Variants in NUP210L observed in about 807,000 individuals in gnomAD.
NUP210L encodes nucleoporin 210 like.
Under a neutral mutation model 208.5 loss-of-function variants are expected in NUP210L, and 74 were observed. That is an observed-to-expected ratio of 0.35 (90% CI 0.29 to 0.43). The LOEUF (loss-of-function observed/expected upper bound fraction) is 0.43. Among genes scored for constraint, NUP210L ranks in the 20% least tolerant of loss-of-function variants. NUP210L has a pLI of 1.00. For synonymous variants in NUP210L, 780 were observed against 816.9 expected (o/e 0.95, Z 0.77); for missense variants, 1,843 against 2,289.4 (o/e 0.81, Z 3.98).
intron 3 of NUP210L, among the ~76,000 whole-genome samples, chr1:154,143,008 G>A (rs1658933239): frequency 6.6e-6 from 1 of 151,952 alleles, no homozygotes; most frequent in Non-Finnish European, 1.5e-5. Context: ...GACCAACATG[G>A]TGAAAGCCCA....
At chr1:154,083,084 C>T (rs1655432705) in intron 16 of NUP210L, among the ~76,000 whole-genome samples, 2 of 152,140 alleles carry the variant, frequency 1.3e-5, no homozygotes, top group South Asian at 4.1e-4. Context: ...ACTGTGAAGA[C>T]CAAATGAACA....
chr1:154,111,125 G>A (rs1657022106), intron 12 of NUP210L, among the ~76,000 whole-genome samples: 1 of 151,250 alleles, frequency 6.6e-6, no homozygotes, highest in Non-Finnish European at 1.5e-5. Flanking sequence ...GCTCATGCCT[G>A]TAATCCCACC....
chr1:154,139,683 C>CAA lies in NUP210L; in HGVS notation c.717+117_717+118dup. On this transcript the variant is annotated intron_variant, in intron 5 of 39. Transcript: ENST00000368559. ...GTCTGTCTCTACAAAAACAAACAAACAAACAAAAAAAAAAAAAAAACAGGG... is the reference window on the plus strand; with the variant it reads ...GTCTGTCTCTACAAAAACAAACAAACAAAAACAAAAAAAAAAAAAAAACAGGG... 39 of 761,272 alleles carry CAA rather than the reference C, an allele frequency of 5.1e-5. No individual in the cohort carries two copies. In the East Asian group the frequency reaches 1.0e-3, roughly 20 times the overall value. 47.2% of individuals were successfully genotyped at this position (761,272 alleles called of 1,614,324 possible). A position where few individuals can be genotyped will look rare whatever the true frequency, so the allele number is the denominator to read the frequency against.
intron 27 of NUP210L, among the ~76,000 whole-genome samples, chr1:154,030,313 T>C (rs914988398): frequency 3.9e-5 from 6 of 151,936 alleles, no homozygotes; most frequent in Non-Finnish European, 7.4e-5. Flanking sequence ...CAATAACTTA[T>C]GAAAAAATTA....
At chr1:154,006,946 G>GTGTGTGTATATA (rs767785200) in intron 35 of NUP210L, among the ~76,000 whole-genome samples, 3 of 95,426 alleles carry the variant, frequency 3.1e-5, no homozygotes, top group Non-Finnish European at 6.1e-5. Context: ...GTGTGTGTGT[G>GTGTGTGTATATA]TATATATATA....
chr1:154,021,045 G>A (rs1267833692), intron 32 of NUP210L, among the ~76,000 whole-genome samples: 4 of 150,522 alleles, frequency 2.7e-5, no homozygotes, highest in South Asian at 2.1e-4. Flanking sequence ...AGGTTCAAGC[G>A]ATTCTCCTGC....
chr1:154,002,076 C>T, intron 35 of NUP210L, 91 bp from the exon 36 acceptor site: 1 of 1,284,068 alleles, frequency 7.8e-7, no homozygotes, highest in East Asian at 2.4e-5. Flanking sequence ...TTGTGACATG[C>T]AAATTCAGCA....
exon 37 of NUP210L, chr1:154,000,884 C>T (rs757444945): frequency 6.2e-7 from 1 of 1,614,082 alleles, no homozygotes; most frequent in Non-Finnish European, 8.5e-7. Flanking sequence ...TCATAGCCCT[C>T]ACTACCACTG....
intron 27 of NUP210L, among the ~76,000 whole-genome samples, chr1:154,043,162 G>A (rs944625307): frequency 2.7e-5 from 4 of 149,822 alleles, no homozygotes; most frequent in African/African-American, 9.8e-5. Context: ...TGGGATTACA[G>A]GTGTGCGCCA....
intron 35 of NUP210L, among the ~76,000 whole-genome samples, chr1:154,006,545 G>A (rs907783061): frequency 6.6e-6 from 1 of 151,830 alleles, no homozygotes; most frequent in Non-Finnish European, 1.5e-5. Flanking sequence ...CCAGGCTGGA[G>A]TGAAGTGGCA....
intron 27 of NUP210L, among the ~76,000 whole-genome samples, chr1:154,036,329 TGTGTGTGTGTGTGTGTGTGTG>T (rs1652543541): frequency 7.7e-6 from 1 of 129,892 alleles, no homozygotes. Context: ...TGTGTGTGTG[TGTGTGTGTGTGTGTGTGTGTG>T]TGTGTGTGTG....
intron 12 of NUP210L, among the ~76,000 whole-genome samples, chr1:154,107,574 T>C (rs1197911290): frequency 6.6e-6 from 1 of 150,962 alleles, no homozygotes; most frequent in Non-Finnish European, 1.5e-5. Context: ...TATTTGAAAA[T>C]ACAGTCATGG....
chr1:154,027,284 T>C (rs891253802), intron 29 of NUP210L, among the ~76,000 whole-genome samples: 1 of 151,968 alleles, frequency 6.6e-6, no homozygotes, highest in African/African-American at 2.4e-5. Flanking sequence ...ATAAAAATAT[T>C]TGGAACTAGA....
chr1:154,096,130 T>C (rs556385220), intron 14 of NUP210L, among the ~76,000 whole-genome samples: 98 of 152,288 alleles, frequency 6.4e-4, no homozygotes, highest in African/African-American at 2.2e-3. Flanking sequence ...GTGTGTGATG[T>C]TCCCCTCCCT....
chr1:153,995,650 T>G, intron 37 of NUP210L: 1 of 1,319,730 alleles, frequency 7.6e-7, no homozygotes, highest in Non-Finnish European at 1.1e-6. Flanking sequence ...GCGTTTGACA[T>G]ACCAACGTAG....
chr1:154,097,061 G>A (rs1229652469), intron 14 of NUP210L, among the ~76,000 whole-genome samples: 3 of 151,880 alleles, frequency 2.0e-5, no homozygotes, highest in East Asian at 1.9e-4. Flanking sequence ...CCAACAGAGT[G>A]AGACTCTGTC....
At chr1:154,073,441 G>A (rs1020627134) in intron 16 of NUP210L, among the ~76,000 whole-genome samples, 8 of 151,960 alleles carry the variant, frequency 5.3e-5, no homozygotes, top group South Asian at 4.1e-4. Context: ...TGGAAGGATC[G>A]CTTGAGCCCA....
chr1:154,046,778 T>C (rs1467024153), intron 25 of NUP210L, among the ~76,000 whole-genome samples: 3 of 152,138 alleles, frequency 2.0e-5, no homozygotes, highest in Non-Finnish European at 2.9e-5. Flanking sequence ...AAGAATAGAA[T>C]GATGGGCTGT....
rs999081480 is a variant in NUP210L at position 154,121,625 on chromosome 1, G to C, written c.1327-2817C>G. On this transcript the variant is annotated intron_variant, in intron 10 of 39. Transcript: ENST00000368559. ...CTCACGCCTGTAATCCTAGCACTTT[G>C]GGAGGCCAAGGCGGGTGGATCACCT... Among the ~76,000 whole-genome samples the C allele has an allele frequency of 9.8e-5, 15 of 152,304 alleles. 1 individual carries two copies. Among genetic ancestry groups the C allele is most frequent in the Admixed American group, 7.8e-4 (12 of 15,294 alleles).
Sources: gnomAD v4.1 joint callset for allele counts (sites outside exome capture counted in the v4.1 genomes callset) on GRCh38, gnomAD v4.1.1 for gene constraint, MANE v1.5 for transcripts, NCBI Gene and HGNC (gene_info 2026-07-23, HGNC 2026-07-21) for gene names.